Variants in FBXL7 observed in about 807,000 individuals in gnomAD.
The protein encoded by FBXL7 is F-box and leucine rich repeat protein 7, also known as F-box/LRR-repeat protein 7.
A neutral mutation model predicts 38.3 loss-of-function variants in FBXL7; 12 were observed. The ratio of observed to expected loss-of-function variants is 0.31; its 90% CI spans 0.20 to 0.51. FBXL7 has a LOEUF of 0.51. Ranked by LOEUF, FBXL7 falls within the 20% of genes least tolerant of loss-of-function variation. The pLI is 0.98. For missense variants in FBXL7, 567 were observed against 676.4 expected, an observed-to-expected ratio of 0.84 and a Z score of 1.79; for synonymous variants, 297 against 300.9, an observed-to-expected ratio of 0.99 and a Z score of 0.13.
At chr5:15,883,900 T>C (rs1361638769) in intron 2 of FBXL7, among the ~76,000 whole-genome samples, 2 of 152,226 alleles carry the variant, frequency 1.3e-5, no homozygotes, top group Non-Finnish European at 2.9e-5. Context: ...ATTAATTTTG[T>C]ATAAGGAAAG....
At chr5:15,573,233 G>C (rs13354129) in intron 1 of FBXL7, among the ~76,000 whole-genome samples, 1,735 of 152,240 alleles carry the variant, frequency 0.011, 26 homozygotes, top group African/African-American at 0.038. Context: ...ATAAATGCTG[G>C]TGCAGTTGCA....
chr5:15,924,087 A>T (rs1482720457), intron 2 of FBXL7, among the ~76,000 whole-genome samples: 1 of 152,142 alleles, frequency 6.6e-6, no homozygotes, highest in Non-Finnish European at 1.5e-5. Flanking sequence ...ATCTCTGCGT[A>T]CTCATAATAA....
At chr5:15,662,474 GTTTC>G (rs1742119461) in intron 2 of FBXL7, among the ~76,000 whole-genome samples, 2 of 152,140 alleles carry the variant, frequency 1.3e-5, no homozygotes, top group Admixed American at 6.5e-5. Context: ...TCTGTTGATA[GTTTC>G]TTTTTCTGTG....
chr5:15,876,000 C>T (rs1314099706), intron 2 of FBXL7, among the ~76,000 whole-genome samples: 1 of 152,176 alleles, frequency 6.6e-6, no homozygotes, highest in Non-Finnish European at 1.5e-5. Context: ...TTGGAACCAA[C>T]CCAGATGCCC....
At chr5:15,550,050 T>C (rs1738018704) in intron 1 of FBXL7, among the ~76,000 whole-genome samples, 1 of 152,212 alleles carries the variant, frequency 6.6e-6, no homozygotes, top group Non-Finnish European at 1.5e-5. Flanking sequence ...TTAGATAGTA[T>C]GTTGCTGAAG....
chr5:15,582,034 T>C (rs577754545), intron 1 of FBXL7, among the ~76,000 whole-genome samples: 18 of 152,268 alleles, frequency 1.2e-4, no homozygotes, highest in Admixed American at 7.8e-4. Context: ...ATCTCCCAGG[T>C]TCAGGCGATC....
chr5:15,682,524 ATATTTTAAATTTTCTT>A lies in FBXL7; in HGVS notation c.127+66474_127+66489del, dbSNP rs1423338961. 9.2e-5 allele frequency among the ~76,000 whole-genome samples: 14 copies of A among 152,288 alleles called. No individual in the cohort carries two copies. The South Asian group carries it at 1.0e-3, about 11-fold the overall frequency. ...TTTGATTTTATTTTGGTAAATAAAA[ATATTTTAAATTTTCTT>A]TATTTTAAATTTTCTTTATTTCAGC... On this transcript the variant is annotated intron_variant, in intron 2 of 3. Transcript: ENST00000504595.
intron 2 of FBXL7, among the ~76,000 whole-genome samples, chr5:15,863,982 T>C (rs994875923): frequency 6.6e-6 from 1 of 151,944 alleles, no homozygotes; most frequent in Non-Finnish European, 1.5e-5. Context: ...TGACTAGAGT[T>C]ACGGATGGGT....
intron 3 of FBXL7, among the ~76,000 whole-genome samples, chr5:15,935,782 A>G (rs1359781561): frequency 6.6e-6 from 1 of 152,208 alleles, no homozygotes; most frequent in East Asian, 1.9e-4. Flanking sequence ...TTTTCAGAGC[A>G]CATGCATATC....
At chr5:15,794,918 CAT>C (rs1459304604) in intron 2 of FBXL7, among the ~76,000 whole-genome samples, 1 of 152,178 alleles carries the variant, frequency 6.6e-6, no homozygotes, top group Non-Finnish European at 1.5e-5. Context: ...AAGCAGGGTG[CAT>C]TTCCTGTGGG....
chr5:15,529,683 C>T (rs746896944), intron 1 of FBXL7, among the ~76,000 whole-genome samples: 32 of 152,142 alleles, frequency 2.1e-4, no homozygotes, highest in African/African-American at 7.0e-4. Flanking sequence ...CCACCGTGCC[C>T]GGCCAACCTA....
intron 2 of FBXL7, among the ~76,000 whole-genome samples, chr5:15,834,289 T>C (rs1183817752): frequency 6.6e-6 from 1 of 152,232 alleles, no homozygotes; most frequent in East Asian, 1.9e-4. Context: ...GCCTAGATTA[T>C]GTGATGTTAC....
intron 1 of FBXL7, chr5:15,580,830 C>A: frequency 4.1e-6 from 4 of 984,974 alleles, no homozygotes; most frequent in Non-Finnish European, 4.8e-6. Context: ...GAGTCATGGG[C>A]CTGGAGACTA....
chr5:15,566,535 C>T (rs140050595), intron 1 of FBXL7, among the ~76,000 whole-genome samples: 1 of 152,202 alleles, frequency 6.6e-6, no homozygotes, highest in African/African-American at 2.4e-5. Context: ...GGACATGACT[C>T]AGAGCAGACA....
chr5:15,717,618 AGT>A (rs1744079288), intron 2 of FBXL7, among the ~76,000 whole-genome samples: 1 of 152,232 alleles, frequency 6.6e-6, no homozygotes, highest in South Asian at 2.1e-4. Context: ...TGTTTGGATG[AGT>A]GAGAAAAACT....
intron 1 of FBXL7, among the ~76,000 whole-genome samples, chr5:15,540,789 T>C (rs1195455464): frequency 1.3e-5 from 2 of 152,028 alleles, no homozygotes; most frequent in African/African-American, 4.8e-5. Context: ...GTGGTGGAAA[T>C]AGGATGAGAG....
At chr5:15,551,754 A>G (rs1001953527) in intron 1 of FBXL7, among the ~76,000 whole-genome samples, 4 of 152,096 alleles carry the variant, frequency 2.6e-5, no homozygotes, top group Admixed American at 1.3e-4. Flanking sequence ...ATTTTTGTGT[A>G]TATCTGTTTC....
intron 2 of FBXL7, among the ~76,000 whole-genome samples, chr5:15,668,039 T>G (rs779656610): frequency 1.8e-4 from 27 of 152,160 alleles, no homozygotes; most frequent in Non-Finnish European, 3.1e-4. Flanking sequence ...GTTTGTATCA[T>G]TACCTCTGCC....
intron 2 of FBXL7, among the ~76,000 whole-genome samples, chr5:15,668,314 A>G (rs887161667): frequency 6.6e-6 from 1 of 152,018 alleles, no homozygotes; most frequent in Non-Finnish European, 1.5e-5. Flanking sequence ...AGATCATGTC[A>G]AAACCTCTAT....
Sources: allele counts gnomAD v4.1 joint callset (sites outside exome capture counted in the v4.1 genomes callset), GRCh38; gene constraint gnomAD v4.1.1; transcripts MANE v1.5; gene names NCBI Gene and HGNC (gene_info 2026-07-23, HGNC 2026-07-21).